Variants in TNR observed in about 807,000 individuals in gnomAD.
The protein encoded by TNR is tenascin-R.
In TNR, 45 loss-of-function variants were observed where a neutral mutation model predicts 150.4. That is an observed-to-expected ratio of 0.30 (90% CI 0.24 to 0.38). The LOEUF is 0.38. Ranked by LOEUF, TNR falls within the 10% of genes least tolerant of loss-of-function variation. The pLI, the probability that TNR is intolerant of heterozygous loss-of-function variation, is 1.00. For missense variants in TNR, 1,544 were observed against 1,759.1 expected, an observed-to-expected ratio of 0.88 and a Z score of 2.19; for synonymous variants, 687 against 678.4, an observed-to-expected ratio of 1.01 and a Z score of -0.20.
rs116552345 is a variant in TNR, at chr1:175,671,179, G to A, written c.-165+72047C>T. 5.6e-3 allele frequency among the ~76,000 whole-genome samples: 849 copies of A among 152,266 alleles called. 11 individuals are homozygous for A. The highest frequency in any genetic ancestry group is 0.02 in the African/African-American group (815 of 41,536). On this transcript the variant is annotated intron_variant, in intron 1 of 22. Coordinates refer to ENST00000367674, the MANE Select transcript of TNR (RefSeq NM_003285.3). ...AGCCCACTGAGGGTGAGAGGTGCAG[G>A]CTTGGGGGAAAGACGATGGGCCAGC...
intron 2 of TNR, among the ~76,000 whole-genome samples, chr1:175,494,791 T>C (rs2102143150): frequency 6.6e-6 from 1 of 152,330 alleles, no homozygotes; most frequent in South Asian, 2.1e-4. Context: ...TTCTGGACAA[T>C]GCCTCAATGA....
intron 2 of TNR, among the ~76,000 whole-genome samples, chr1:175,431,115 A>G (rs188737550): frequency 1.3e-3 from 201 of 152,266 alleles, no homozygotes; most frequent in African/African-American, 4.7e-3. Context: ...TGTGTTTTGC[A>G]TAATCATCTG....
intron 4 of TNR, among the ~76,000 whole-genome samples, chr1:175,397,239 T>G (rs545604610): frequency 6.6e-6 from 1 of 152,360 alleles, no homozygotes; most frequent in East Asian, 1.9e-4. Flanking sequence ...AATTTATGTG[T>G]GCTCTGTCTG....
At chr1:175,419,390 T>C (rs184619665) in intron 2 of TNR, among the ~76,000 whole-genome samples, 1 of 152,298 alleles carries the variant, frequency 6.6e-6, no homozygotes, top group Admixed American at 6.5e-5. Flanking sequence ...CTGAGGGATG[T>C]TGATAAACAG....
In TNR at chr1:175,432,877, T is replaced by C. The variant is rs376945447; in HGVS notation, c.-63-26100A>G. 3.3e-5 allele frequency among the ~76,000 whole-genome samples: 5 copies of C among 152,270 alleles called. No homozygotes were observed. In the East Asian group the frequency reaches 7.7e-4, roughly 24 times the overall value. ...CAAAGACTGCATATCCCAGTCTTTCTTTTTAGGAGTGGCCAGGTAATCAAG... is the reference window on the plus strand; with the variant it reads ...CAAAGACTGCATATCCCAGTCTTTCCTTTTAGGAGTGGCCAGGTAATCAAG... On this transcript the variant is annotated intron_variant, in intron 2 of 22. Coordinates refer to ENST00000367674, the MANE Select transcript of TNR (RefSeq NM_003285.3).
Position 175,322,137 on chromosome 1 carries a change from T to G in TNR, c.*1220A>C, listed in dbSNP as rs1383683714. Reference sequence around the variant, plus strand: ...CTATGGCAGTGCCCTGATTTTGACTTCTTCAGTCCTTTCCTCAATGCTTGA... The same window carrying G: ...CTATGGCAGTGCCCTGATTTTGACTGCTTCAGTCCTTTCCTCAATGCTTGA... On this transcript the variant is annotated 3_prime_UTR_variant, in exon 23 of 23. Transcript: ENST00000367674. 1 of 152,246 alleles carries G rather than the reference T, an allele frequency of 6.6e-6. No individual in the cohort carries two copies. The highest frequency in any genetic ancestry group is 1.5e-5 in the Non-Finnish European group (1 of 68,050). 9.4% of individuals were successfully genotyped at this position (152,246 alleles called of 1,614,324 possible). A position where few individuals can be genotyped will look rare whatever the true frequency, so the allele number is the denominator to read the frequency against.
chr1:175,337,249 C>A (rs1263105850), intron 19 of TNR, among the ~76,000 whole-genome samples: 1 of 152,206 alleles, frequency 6.6e-6, no homozygotes, highest in African/African-American at 2.4e-5. Context: ...TTGGGCCCAA[C>A]AGACCCGCGA....
chr1:175,589,803 C>G (rs1662725285), intron 1 of TNR, among the ~76,000 whole-genome samples: 1 of 151,834 alleles, frequency 6.6e-6, no homozygotes, highest in Non-Finnish European at 1.5e-5. Context: ...ACAATGAGAA[C>G]ACATGGACAC....
At chr1:175,450,271 G>A (rs1656243225) in intron 2 of TNR, among the ~76,000 whole-genome samples, 1 of 152,182 alleles carries the variant, frequency 6.6e-6, no homozygotes, top group Non-Finnish European at 1.5e-5. Flanking sequence ...GGCCCCAAGT[G>A]GGGCTTCACA....
At chr1:175,450,764 G>A (rs1656269623) in intron 2 of TNR, among the ~76,000 whole-genome samples, 1 of 152,200 alleles carries the variant, frequency 6.6e-6, no homozygotes, top group South Asian at 2.1e-4. Flanking sequence ...GCAGTTAGGG[G>A]TAGTGGCTCT....
intron 1 of TNR, among the ~76,000 whole-genome samples, chr1:175,708,018 TTGTGTG>T (rs10676470): frequency 0.053 from 7,655 of 144,660 alleles, 312 homozygotes; most frequent in East Asian, 0.14. Flanking sequence ...ATGTGTGTGT[TTGTGTG>T]TGTGTGTGTG....
At chr1:175,522,705 T>C (rs948245444) in intron 2 of TNR, among the ~76,000 whole-genome samples, 6 of 151,996 alleles carry the variant, frequency 3.9e-5, no homozygotes, top group African/African-American at 1.5e-4. Flanking sequence ...AACCTCAGGG[T>C]TGTAAAAAGA....
intron 2 of TNR, among the ~76,000 whole-genome samples, chr1:175,431,013 A>C (rs1655239491): frequency 6.6e-6 from 1 of 151,934 alleles, no homozygotes; most frequent in Non-Finnish European, 1.5e-5. Flanking sequence ...GCTAGGGGAG[A>C]TATTTGACCT....
intron 1 of TNR, among the ~76,000 whole-genome samples, chr1:175,732,958 T>C (rs1427405612): frequency 1.3e-5 from 2 of 152,220 alleles, no homozygotes; most frequent in African/African-American, 4.8e-5. Context: ...TGGGACCCAG[T>C]TGGTGATTTC....
At chr1:175,562,297 C>A (rs1040894834) in intron 1 of TNR, among the ~76,000 whole-genome samples, 5 of 152,200 alleles carry the variant, frequency 3.3e-5, no homozygotes, top group African/African-American at 9.6e-5. Flanking sequence ...TCTAACCAAG[C>A]CTTCCACCCT....
intron 1 of TNR, among the ~76,000 whole-genome samples, chr1:175,717,950 C>CT (rs1440870225): frequency 1.3e-5 from 2 of 152,230 alleles, no homozygotes; most frequent in Non-Finnish European, 2.9e-5. Flanking sequence ...AGAACCAGCA[C>CT]TCCAGGGACA....
At chr1:175,682,863 T>G (rs1360429120) in intron 1 of TNR, among the ~76,000 whole-genome samples, 3 of 152,110 alleles carry the variant, frequency 2.0e-5, no homozygotes, top group Non-Finnish European at 4.4e-5. Flanking sequence ...ATGGTGTGAT[T>G]TCCCTTTTCA....
intron 3 of TNR, among the ~76,000 whole-genome samples, chr1:175,404,303 GCTCCCTCC>G (rs2102046394): frequency 6.6e-6 from 1 of 152,118 alleles, no homozygotes; most frequent in African/African-American, 2.4e-5. Context: ...AACCTGTCTC[GCTCCCTCC>G]CTGCCTGCCA....
chr1:175,725,290 C>A lies in TNR; in HGVS notation c.-165+17936G>T, dbSNP rs142215910. ...TCCCAATCTCTAGAACTAGAATATC[C>A]AACATGTGCTTTCCAGCCATATAAG... is the stretch of plus-strand genomic sequence containing the variant. On this transcript the variant is annotated intron_variant, in intron 1 of 22. Transcript: ENST00000367674. Among the ~76,000 whole-genome samples the A allele has an allele frequency of 2.6e-5, 4 of 152,258 alleles. No homozygotes were observed. The East Asian group carries it at 7.7e-4, about 29-fold the overall frequency.
Sources: gnomAD v4.1 joint callset for allele counts (sites outside exome capture counted in the v4.1 genomes callset) on GRCh38, gnomAD v4.1.1 for gene constraint, MANE v1.5 for transcripts, NCBI Gene and HGNC (gene_info 2026-07-23, HGNC 2026-07-21) for gene names.